The following RTN4 variants were observed in gnomAD, a reference collection of about 807,000 sequenced individuals.
RTN4 encodes reticulon 4, also known as reticulon-4.
RTN4 carries 32 observed loss-of-function variants against 90.4 expected under a neutral mutation model. The observed-to-expected ratio is 0.35, with a 90% CI of 0.27 to 0.48. The LOEUF (loss-of-function observed/expected upper bound fraction) is 0.48, where lower values mean the gene tolerates loss of function less well. Among genes scored for constraint, RTN4 ranks in the 20% least tolerant of loss-of-function variants. The pLI is 0.99. For synonymous variants in RTN4, 629 were observed against 552.5 expected (o/e 1.14, Z -1.94); for missense variants, 1,706 against 1,430.2 (o/e 1.19, Z -3.11).
chr2:54,999,262 C>G (rs1023273629), intron 3 of RTN4, among the ~76,000 whole-genome samples: 1 of 152,168 alleles, frequency 6.6e-6, no homozygotes, highest in Admixed American at 6.5e-5. Flanking sequence ...ATAAAAACTT[C>G]TGGCTCAATG....
chr2:54,983,388 G>C (rs999105682), intron 4 of RTN4, among the ~76,000 whole-genome samples: 7 of 151,948 alleles, frequency 4.6e-5, no homozygotes, highest in Admixed American at 3.3e-4. Flanking sequence ...CAAGTCCACA[G>C]GAATGTAAGA....
At chr2:55,092,089 T>C (rs1211653078) in intron 1 of RTN4, among the ~76,000 whole-genome samples, 1 of 151,182 alleles carries the variant, frequency 6.6e-6, no homozygotes, top group Non-Finnish European at 1.5e-5. Context: ...ACCTGGGAGG[T>C]TGAGGTGGGA....
At chr2:55,133,888 A>C in the RTN4 span, among the ~76,000 whole-genome samples, 1 of 152,146 alleles carries the variant, frequency 6.6e-6, no homozygotes, top group Admixed American at 6.5e-5. Flanking sequence ...AAGTGAAAGC[A>C]AGTTTATTAA....
At chr2:54,987,419 A>C (rs748944414) in intron 4 of RTN4, 72 bp downstream of exon 4, 1 of 1,083,472 alleles carries the variant, frequency 9.2e-7, no homozygotes, top group Non-Finnish European at 1.4e-6. Context: ...CTCTATAGAC[A>C]GTAGATGAAG....
At position 55,026,481 on chromosome 2, in the gene RTN4, C is replaced by G; in HGVS notation, c.1618G>C (p.Glu540Gln). ...VTTDNLTKVTEEVVANMPEGL... is the reference protein window; with the variant it reads ...VTTDNLTKVTQEVVANMPEGL... The stretch of plus-strand genomic sequence containing the variant: ...TCAGGCATGTTTGCCACGACTTCCT[C>G]AGTCACCTTTGTTAAATTATCTGTT... Residue 540 changes from glutamate to glutamine, a missense_variant, in exon 3 of 9, where the codon GAG becomes CAG. Transcript: ENST00000337526. The G allele has an allele frequency of 6.2e-7, 1 of 1,613,934 alleles. No individual in the cohort carries two copies. Among genetic ancestry groups the G allele is most frequent in the Non-Finnish European group, 8.5e-7 (1 of 1,179,886 alleles).
At chr2:55,100,878 A>G (rs574394664) in intron 1 of RTN4, among the ~76,000 whole-genome samples, 11 of 146,536 alleles carry the variant, frequency 7.5e-5, no homozygotes, top group Non-Finnish European at 1.6e-4. Flanking sequence ...CACTCTTAGC[A>G]TTTTTTTTTT....
At chr2:55,067,996 T>C (rs1044312831) in intron 2 of RTN4, among the ~76,000 whole-genome samples, 1 of 152,248 alleles carries the variant, frequency 6.6e-6, no homozygotes, top group African/African-American at 2.4e-5. Flanking sequence ...TCTAGCTTAA[T>C]ATAAGACAGT....
At chr2:54,985,646 A>C (rs887862613) in intron 4 of RTN4, among the ~76,000 whole-genome samples, 2 of 152,198 alleles carry the variant, frequency 1.3e-5, no homozygotes, top group Non-Finnish European at 2.9e-5. Context: ...CTCTCCCCCT[A>C]AACTTGTATA....
At chr2:55,087,780 T>C (rs1452851493) in intron 1 of RTN4, among the ~76,000 whole-genome samples, 1 of 152,174 alleles carries the variant, frequency 6.6e-6, no homozygotes, top group Non-Finnish European at 1.5e-5. Flanking sequence ...TTGTACCAAC[T>C]TGACACTGCT....
chr2:55,125,688 C>T, the RTN4 span, among the ~76,000 whole-genome samples: 1 of 152,126 alleles, frequency 6.6e-6, no homozygotes, highest in African/African-American at 2.4e-5. Context: ...ATCGTTTGAA[C>T]TCAGGAGGCG....
At chr2:55,033,331 T>C (rs1573437208) in intron 1 of RTN4, among the ~76,000 whole-genome samples, 1 of 152,212 alleles carries the variant, frequency 6.6e-6, no homozygotes, top group East Asian at 1.9e-4. Flanking sequence ...AAACTGACAA[T>C]CTAAAATTAT....
chr2:55,126,007 G>GCCGA, the RTN4 span, among the ~76,000 whole-genome samples: 1 of 147,862 alleles, frequency 6.8e-6, no homozygotes, highest in African/African-American at 2.5e-5. Context: ...CTTGCAGTGA[G>GCCGA]CCGAGATCAC....
At chr2:55,044,594 AT>A (rs1377040447) in intron 1 of RTN4, among the ~76,000 whole-genome samples, 3 of 152,104 alleles carry the variant, frequency 2.0e-5, no homozygotes, top group Non-Finnish European at 4.4e-5. Context: ...AACAAAGCCA[AT>A]TAATGGACAA....
intron 1 of RTN4, among the ~76,000 whole-genome samples, chr2:55,099,676 T>G (rs1357906804): frequency 6.6e-6 from 1 of 152,040 alleles, no homozygotes; most frequent in Non-Finnish European, 1.5e-5. Context: ...GTGCCAGAGG[T>G]AGACTGTCTG....
chr2:55,115,937 C>T (rs562686553), upstream of RTN4, among the ~76,000 whole-genome samples: 12 of 152,254 alleles, frequency 7.9e-5, no homozygotes, highest in East Asian at 2.1e-3. Context: ...CAGTGTGATT[C>T]AAGGCTTCAG....
intron 3 of RTN4, among the ~76,000 whole-genome samples, chr2:55,012,017 A>G (rs780033183): frequency 6.6e-6 from 1 of 152,218 alleles, no homozygotes; most frequent in Non-Finnish European, 1.5e-5. Flanking sequence ...AATACAAAAT[A>G]CTGACTTTCT....
chr2:55,048,526 CTA>C (rs1491227557), intron 1 of RTN4, among the ~76,000 whole-genome samples: 1 of 151,110 alleles, frequency 6.6e-6, no homozygotes, highest in African/African-American at 2.4e-5. Flanking sequence ...TTGTTAAAAA[CTA>C]AGATACAAAC....
At chr2:54,991,420 GA>G (rs1015698565) in intron 3 of RTN4, among the ~76,000 whole-genome samples, 1 of 152,168 alleles carries the variant, frequency 6.6e-6, no homozygotes, top group African/African-American at 2.4e-5. Flanking sequence ...ATGGTAGAAG[GA>G]AATATCAGGA....
intron 3 of RTN4, among the ~76,000 whole-genome samples, chr2:55,019,707 T>C (rs984159723): frequency 1.3e-5 from 2 of 152,058 alleles, no homozygotes; most frequent in African/African-American, 4.8e-5. Context: ...AAGACTGAAA[T>C]GGGAAGTCCT....
Sources: allele counts gnomAD v4.1 joint callset (sites outside exome capture counted in the v4.1 genomes callset), GRCh38; gene constraint gnomAD v4.1.1; transcripts MANE v1.5; gene names NCBI Gene and HGNC (gene_info 2026-07-23, HGNC 2026-07-21).